Variants in ARHGAP25 observed in about 807,000 individuals in gnomAD.
ARHGAP25 encodes Rho GTPase activating protein 25.
Under a neutral mutation model 71.0 loss-of-function variants are expected in ARHGAP25, and 34 were observed. The ratio of observed to expected loss-of-function variants is 0.48; its 90% confidence interval spans 0.36 to 0.64. The LOEUF is 0.64. ARHGAP25 is among the 30% of genes least tolerant of loss of function. The pLI is 0.00. For synonymous variants in ARHGAP25, 282 were observed against 296.5 expected (o/e 0.95, Z 0.50); for missense variants, 706 against 805.1 (o/e 0.88, Z 1.49).
rs541037144 is a variant in ARHGAP25 at position 68,814,351 on chromosome 2, G to A, written c.807+932G>A. ...AATATGGTGACCACCAGCCACACAT[G>A]GCTATTGGGCATCTAAAATGTGGCT... On this transcript the variant is annotated intron_variant, in intron 6 of 10. Transcript: ENST00000409202. Among the ~76,000 whole-genome samples the A allele has an allele frequency of 5.9e-5, 9 of 152,314 alleles. No individual in the cohort carries two copies. The East Asian group carries it at 1.7e-3, about 29-fold the overall frequency.
chr2:68,714,877 G>A (rs12476895), intron 2 of ARHGAP25, among the ~76,000 whole-genome samples: 35,647 of 151,916 alleles, frequency 0.23, 4,407 homozygotes, highest in East Asian at 0.37. Flanking sequence ...ATTAAAATAC[G>A]GAAGGAAAGA....
rs2103703476 is a variant in ARHGAP25, at chr2:68,819,327, G to A, written c.1200+8G>A. 9 of 1,613,486 alleles carry A rather than the reference G, an allele frequency of 5.6e-6. No individual in the cohort carries two copies. The East Asian group carries it at 1.1e-4, about 20-fold the overall frequency. ...GACAGCTTCAGTAGCATGGTAAGGT[G>A]CAGAGAACCTTCCTGCTTCCATTGG... On this transcript the variant is annotated splice_region_variant and intron_variant, in intron 9 of 10. Coordinates refer to ENST00000409202, the MANE Select transcript of ARHGAP25 (RefSeq NM_001007231.3).
chr2:68,818,075 G>A (rs1681361786), intron 8 of ARHGAP25, 81 bp downstream of exon 8: 1 of 1,554,242 alleles, frequency 6.4e-7, no homozygotes, highest in African/African-American at 1.4e-5. Flanking sequence ...GCACTGCTCT[G>A]TAGTTTCCCA....
chr2:68,824,432 A>G (rs1681942760), intron 10 of ARHGAP25, among the ~76,000 whole-genome samples: 1 of 152,214 alleles, frequency 6.6e-6, no homozygotes. Context: ...GAAGAAAAGT[A>G]GATTTGTAAT....
intron 4 of ARHGAP25, among the ~76,000 whole-genome samples, chr2:68,806,634 C>T (rs568447668): frequency 1.9e-4 from 29 of 152,294 alleles, no homozygotes; most frequent in Non-Finnish European, 3.2e-4. Flanking sequence ...CTGGACCGAG[C>T]GGGACCGCGA....
chr2:68,792,656 TTTC>T (rs1679267478), intron 4 of ARHGAP25, among the ~76,000 whole-genome samples: 1 of 152,252 alleles, frequency 6.6e-6, no homozygotes, highest in African/African-American at 2.4e-5. Flanking sequence ...TATACCATAT[TTTC>T]TTCATCCGAT....
At chr2:68,812,802 A>G (rs1259249501) in intron 5 of ARHGAP25, among the ~76,000 whole-genome samples, 4 of 152,134 alleles carry the variant, frequency 2.6e-5, no homozygotes, top group African/African-American at 9.7e-5. Context: ...TGCACCTAAT[A>G]GGTTTTCTTG....
At chr2:68,770,810 G>A (rs1318141063) in intron 1 of ARHGAP25, among the ~76,000 whole-genome samples, 1 of 152,156 alleles carries the variant, frequency 6.6e-6, no homozygotes, top group Non-Finnish European at 1.5e-5. Context: ...CAAGTTGAAT[G>A]CCTCACTCTG....
At chr2:68,736,044 C>T (rs1184474229) in intron 1 of ARHGAP25, among the ~76,000 whole-genome samples, 1 of 152,174 alleles carries the variant, frequency 6.6e-6, no homozygotes, top group East Asian at 1.9e-4. Flanking sequence ...AAACTATTGC[C>T]TACATTTATG....
chr2:68,782,569 T>C (rs562264983), intron 3 of ARHGAP25, among the ~76,000 whole-genome samples: 1 of 152,338 alleles, frequency 6.6e-6, no homozygotes, highest in African/African-American at 2.4e-5. Context: ...AAGCATTTCA[T>C]GAGCGTGTGC....
At chr2:68,759,492 A>T (rs955452100) in intron 1 of ARHGAP25, among the ~76,000 whole-genome samples, 3 of 151,946 alleles carry the variant, frequency 2.0e-5, no homozygotes, top group African/African-American at 7.2e-5. Flanking sequence ...TCAATGGAAA[A>T]ATTCTTAGAA....
rs115620173 is a variant in ARHGAP25 at position 68,748,787 on chromosome 2, G to A, written c.61+13527G>A. Among the ~76,000 whole-genome samples the A allele has an allele frequency of 3.4e-3, 511 of 152,296 alleles. 6 individuals carry two copies. The highest frequency in any genetic ancestry group is 0.012 in the African/African-American group (498 of 41,558). On this transcript the variant is annotated intron_variant, in intron 1 of 10. Coordinates refer to ENST00000409202, the MANE Select transcript of ARHGAP25 (RefSeq NM_001007231.3). ...ACTGAGCATTTAGCTATCCCTGAGG[G>A]CGGTCAGGTCTTAAGTCATTAAGGC...
At chr2:68,813,172 A>G (rs1163146901) in intron 5 of ARHGAP25, 115 bp from the exon 6 acceptor site, 1 of 1,287,860 alleles carries the variant, frequency 7.8e-7, no homozygotes, top group African/African-American at 1.5e-5. Flanking sequence ...CTCCTCTGCA[A>G]AATTTCCCTT....
At position 68,822,448 on chromosome 2, in the gene ARHGAP25, T is replaced by C. The variant is rs1681761034; in HGVS notation, c.1309T>C (p.Ser437Pro). ...REKPGDWKMQ[S>P]RKRTQTLPNR... Reference sequence around the variant, plus strand: ...AAAGCCAGGAGACTGGAAAATGCAATCTCGTAAAAGGACTCAAACACTCCC... The same window carrying C: ...AAAGCCAGGAGACTGGAAAATGCAACCTCGTAAAAGGACTCAAACACTCCC... The change falls in exon 10 of 11, where the codon TCT becomes CCT. Residue 437 changes from serine to proline, a missense_variant. Transcript: ENST00000409202. 6.2e-7 allele frequency: 1 copy of C among 1,614,060 alleles called. No homozygotes were observed.
chr2:68,779,195 C>A (rs960979455), intron 2 of ARHGAP25, among the ~76,000 whole-genome samples: 5 of 152,114 alleles, frequency 3.3e-5, no homozygotes, highest in Non-Finnish European at 7.3e-5. Context: ...GATGGGAGAG[C>A]CGATTGAAGG....
At chr2:68,769,144 T>G (rs1236812812) in intron 1 of ARHGAP25, among the ~76,000 whole-genome samples, 4 of 152,188 alleles carry the variant, frequency 2.6e-5, no homozygotes, top group Admixed American at 1.3e-4. Context: ...CTTCTGGCTT[T>G]GCACCTGGAA....
intron 3 of ARHGAP25, among the ~76,000 whole-genome samples, chr2:68,783,586 C>G (rs1198272653): frequency 6.6e-6 from 1 of 151,928 alleles, no homozygotes; most frequent in Non-Finnish European, 1.5e-5. Context: ...GCCTCAGCCT[C>G]CTGAGTAGCT....
At chr2:68,774,425 T>C (rs1421506816) in intron 1 of ARHGAP25, among the ~76,000 whole-genome samples, 5 of 152,218 alleles carry the variant, frequency 3.3e-5, no homozygotes, top group African/African-American at 1.2e-4. Context: ...AAATATACCA[T>C]GCTGAGTGCA....
At chr2:68,728,501 T>C (rs1674933877) in intron 2 of ARHGAP25, among the ~76,000 whole-genome samples, 1 of 151,164 alleles carries the variant, frequency 6.6e-6, no homozygotes, top group Non-Finnish European at 1.5e-5. Context: ...CCAAGAGAGA[T>C]GATTTTTTAA....
Sources: allele counts gnomAD v4.1 joint callset (sites outside exome capture counted in the v4.1 genomes callset), GRCh38; gene constraint gnomAD v4.1.1; transcripts MANE v1.5; gene names NCBI Gene and HGNC (gene_info 2026-07-23, HGNC 2026-07-21).